The following GALNT13 variants were observed in gnomAD, a reference collection of about 807,000 sequenced individuals.
GALNT13 encodes polypeptide N-acetylgalactosaminyltransferase 13.
A neutral mutation model predicts 64.2 loss-of-function variants in GALNT13; 28 were observed. That is an observed-to-expected ratio of 0.44 (90% CI 0.32 to 0.60). GALNT13 has a LOEUF of 0.60. GALNT13 is among the 20% of genes least tolerant of loss of function. The pLI, the probability that GALNT13 is intolerant of heterozygous loss-of-function variation, is 0.05. For synonymous variants in GALNT13, 214 were observed against 224.6 expected, an observed-to-expected ratio of 0.95 and a Z score of 0.42; for missense variants, 577 against 669.8, an observed-to-expected ratio of 0.86 and a Z score of 1.53.
At chr2:154,243,009 T>C in intron 6 of GALNT13, 104 bp downstream of exon 6, 2 of 923,008 alleles carry the variant, frequency 2.2e-6, no homozygotes, top group South Asian at 1.8e-5. Flanking sequence ...TTTTAGAAGG[T>C]TTATTTTATA....
the GALNT13 span, among the ~76,000 whole-genome samples, chr2:153,419,660 A>C: frequency 2.6e-5 from 4 of 152,176 alleles, no homozygotes; most frequent in Non-Finnish European, 4.4e-5. Context: ...ACCTAAATAC[A>C]TGCACACACA....
chr2:153,120,168 T>C, the GALNT13 span, among the ~76,000 whole-genome samples: 3 of 152,332 alleles, frequency 2.0e-5, no homozygotes, highest in Non-Finnish European at 1.5e-5. Flanking sequence ...AAAGTTCTGC[T>C]CTGGGCCTCT....
At chr2:154,203,502 A>T (rs371424588) in intron 4 of GALNT13, among the ~76,000 whole-genome samples, 1 of 151,996 alleles carries the variant, frequency 6.6e-6, no homozygotes, top group Non-Finnish European at 1.5e-5. Flanking sequence ...TTTAATGACA[A>T]TTTTTTTCAC....
Position 154,339,446 on chromosome 2 carries a change from T to C in GALNT13, c.1156+37857T>C, listed in dbSNP as rs527744447. On this transcript the variant is annotated intron_variant, in intron 9 of 12. Coordinates refer to ENST00000392825, the MANE Select transcript of GALNT13 (RefSeq NM_052917.4). ...TTAGAATTAACCCTGTGATGTGCTT[T>C]AGTACTTGCCACCCTCTGTTAATAA... Among the ~76,000 whole-genome samples, 6 of 152,272 alleles carry C rather than the reference T, an allele frequency of 3.9e-5. No individual in the cohort carries two copies. In the South Asian group the frequency reaches 1.2e-3, roughly 32 times the overall value.
intron 8 of GALNT13, among the ~76,000 whole-genome samples, chr2:154,270,110 A>G (rs1691273757): frequency 1.3e-5 from 2 of 151,542 alleles, no homozygotes; most frequent in Non-Finnish European, 1.5e-5. Flanking sequence ...ACATTAATCA[A>G]GCTTTAGAAG....
At chr2:153,591,714 C>T in the GALNT13 span, among the ~76,000 whole-genome samples, 1 of 151,892 alleles carries the variant, frequency 6.6e-6, no homozygotes, top group South Asian at 2.1e-4. Context: ...TGTAAGACCC[C>T]AAACTGTAAA....
the GALNT13 span, among the ~76,000 whole-genome samples, chr2:153,222,577 T>A: frequency 6.6e-6 from 1 of 152,214 alleles, no homozygotes; most frequent in African/African-American, 2.4e-5. Flanking sequence ...CATCAACATG[T>A]CATCCATGGT....
At chr2:153,875,937 CCTT>C (rs1423639793) in intron 1 of GALNT13, among the ~76,000 whole-genome samples, 1 of 152,122 alleles carries the variant, frequency 6.6e-6, no homozygotes, top group African/African-American at 2.4e-5. Context: ...TAGTACATCA[CCTT>C]CTTGTATTTG....
the GALNT13 span, among the ~76,000 whole-genome samples, chr2:153,704,204 A>G: frequency 3.3e-5 from 5 of 152,158 alleles, no homozygotes; most frequent in Non-Finnish European, 5.9e-5. Flanking sequence ...AAAACCAAAC[A>G]TCACTCAACA....
In GALNT13 at chr2:154,279,024, AAAAG is replaced by A. The variant is rs746688604; in HGVS notation, c.975+19891_975+19894del. Among the ~76,000 whole-genome samples the A allele has an allele frequency of 2.4e-3, 361 of 152,304 alleles. 1 individual carries two copies. Among genetic ancestry groups the A allele is most frequent in the Non-Finnish European group, 3.7e-3 (251 of 68,016 alleles). On this transcript the variant is annotated intron_variant, in intron 8 of 12. Transcript: ENST00000392825. ...AAATATGCGGTGATATCTAAAAAGAAAAAGAAAGGGATAATTGATGAGATAAATA... is the reference window on the plus strand; with the variant it reads ...AAATATGCGGTGATATCTAAAAAGAAAAAGGGATAATTGATGAGATAAATA...
the GALNT13 span, among the ~76,000 whole-genome samples, chr2:153,188,052 C>A: frequency 6.6e-6 from 1 of 151,628 alleles, no homozygotes; most frequent in African/African-American, 2.4e-5. Context: ...TAAAATAAAA[C>A]TTTTTTAATC....
intron 8 of GALNT13, among the ~76,000 whole-genome samples, chr2:154,288,803 C>T (rs2105955773): frequency 6.6e-6 from 1 of 152,318 alleles, no homozygotes; most frequent in South Asian, 2.1e-4. Context: ...GGGTACAGCT[C>T]CACTCCTTAC....
At chr2:153,782,727 C>T in the GALNT13 span, among the ~76,000 whole-genome samples, 1 of 152,198 alleles carries the variant, frequency 6.6e-6, no homozygotes, top group South Asian at 2.1e-4. Context: ...AAACCCCTTT[C>T]TCATGGCTCT....
chr2:154,001,302 G>A (rs1432706778), intron 3 of GALNT13, among the ~76,000 whole-genome samples: 2 of 151,780 alleles, frequency 1.3e-5, no homozygotes, highest in African/African-American at 4.8e-5. Context: ...ATTGTTGATA[G>A]GTAAGGGTTT....
intron 8 of GALNT13, among the ~76,000 whole-genome samples, chr2:154,261,709 A>G (rs1368775126): frequency 1.3e-5 from 2 of 152,154 alleles, no homozygotes; most frequent in East Asian, 3.9e-4. Flanking sequence ...CTGCATTCCT[A>G]TGACAGAGAT....
chr2:154,223,859 A>G (rs917600502), intron 4 of GALNT13, among the ~76,000 whole-genome samples: 3 of 152,052 alleles, frequency 2.0e-5, no homozygotes, highest in Non-Finnish European at 4.4e-5. Context: ...ATGATATTTT[A>G]TATTACATTT....
chr2:153,905,478 A>T (rs1688498050), intron 2 of GALNT13, among the ~76,000 whole-genome samples: 1 of 152,014 alleles, frequency 6.6e-6, no homozygotes, highest in Admixed American at 6.6e-5. Flanking sequence ...ATAACAATAT[A>T]CTGTAATAAA....
At chr2:154,341,363 G>A (rs1695764014) in intron 9 of GALNT13, among the ~76,000 whole-genome samples, 1 of 152,022 alleles carries the variant, frequency 6.6e-6, no homozygotes, top group African/African-American at 2.4e-5. Flanking sequence ...GCTAAAATGT[G>A]CAATATACAT....
intron 4 of GALNT13, among the ~76,000 whole-genome samples, chr2:154,156,457 A>G (rs920402693): frequency 3.3e-5 from 5 of 152,114 alleles, no homozygotes; most frequent in African/African-American, 1.2e-4. Flanking sequence ...ATAATAGTAA[A>G]TGTAGCTAAA....
Sources: allele counts gnomAD v4.1 joint callset (sites outside exome capture counted in the v4.1 genomes callset), GRCh38; gene constraint gnomAD v4.1.1; transcripts MANE v1.5; gene names NCBI Gene and HGNC (gene_info 2026-07-23, HGNC 2026-07-21).